Variants in MRC2 observed in about 807,000 individuals in gnomAD.
The protein encoded by MRC2 is C-type mannose receptor 2.
In MRC2, 84 loss-of-function variants were observed where a neutral mutation model predicts 206.2. The observed-to-expected ratio is 0.41, with a 90% confidence interval of 0.34 to 0.49. MRC2 has a LOEUF of 0.49. Among genes scored for constraint, MRC2 ranks in the 20% least tolerant of loss-of-function variants. The probability of loss-of-function intolerance (pLI) is 0.31; values close to 1 mark genes in which losing one functional copy is unlikely to be tolerated. For synonymous variants in MRC2, 798 were observed against 800.0 expected (o/e 1.00, Z 0.04); for missense variants, 1,676 against 2,001.5 (o/e 0.84, Z 3.10).
rs138970713 is a variant in MRC2 at position 62,676,399 on chromosome 17, G to A, written c.1702G>A (p.Val568Ile). ...CTCCTGAAGGTTCGAGCAGGCCTTC[G>A]TCAGCAGCCTCATCTACAACTGGGA... ...TITNRFEQAF[V>I]SSLIYNWEGE... The change falls in exon 11 of 30, where the codon GTC (valine) becomes ATC (isoleucine). Residue 568 changes from valine to isoleucine, a missense_variant. Val to Ile is a conservative substitution (Grantham distance 29). Transcript: ENST00000303375. 203 of 1,614,054 alleles carry A rather than the reference G, an allele frequency of 1.3e-4. No individual in the cohort carries two copies. Among genetic ancestry groups the A allele is most frequent in the Non-Finnish European group, 1.6e-4 (187 of 1,179,986 alleles).
At chr17:62,678,059 T>C (rs1206259073) in intron 12 of MRC2, among the ~76,000 whole-genome samples, 2 of 152,014 alleles carry the variant, frequency 1.3e-5, no homozygotes, top group Non-Finnish European at 2.9e-5. Flanking sequence ...CAAAAATAAA[T>C]AAATAAATAA....
chr17:62,664,441 C>T lies in MRC2; in HGVS notation c.119-107C>T. On this transcript the variant is annotated intron_variant, in intron 1 of 29. Coordinates refer to ENST00000303375, the MANE Select transcript of MRC2 (RefSeq NM_006039.5). The surrounding 1 kb of genome is among the most constrained non-coding windows in gnomAD (Gnocchi z 4.7). ...GTGATTTAACGTATGAGTGACGGCT[C>T]ACCATCCTGCACTGGGCACATGGTA... 7.9e-7 allele frequency: 1 copy of T among 1,260,702 alleles called. No homozygotes were observed. 78.1% of individuals were successfully genotyped at this position (1,260,702 alleles called of 1,614,324 possible).
chr17:62,691,658 C>T (rs2089113100), intron 28 of MRC2, among the ~76,000 whole-genome samples: 1 of 151,260 alleles, frequency 6.6e-6, no homozygotes, highest in Admixed American at 6.6e-5. Context: ...GTAGTCCCAG[C>T]TACTTAGGAG....
intron 1 of MRC2, among the ~76,000 whole-genome samples, chr17:62,645,573 G>T (rs1598970771): frequency 9.7e-6 from 1 of 102,996 alleles, no homozygotes; most frequent in African/African-American, 3.7e-5. Flanking sequence ...TTGCTCTGTT[G>T]CCCAGGCTGG....
Position 62,692,660 on chromosome 17 carries a change from G to A in MRC2, c.*209G>A. ...GCTGAGACCCAGCTGAGTGCAGCGT[G>A]GCGTTTCCCTTTCTGGGGGGGCCTG... On this transcript the variant is annotated 3_prime_UTR_variant, in exon 30 of 30. Coordinates refer to ENST00000303375, the MANE Select transcript of MRC2 (RefSeq NM_006039.5). This position sits in a 1 kb window ranked among gnomAD's most constrained non-coding sequence, Gnocchi z 4.2. The A allele has an allele frequency of 1.8e-6, 1 of 569,516 alleles. No homozygotes were observed. Among genetic ancestry groups the A allele is most frequent in the East Asian group, 2.9e-5 (1 of 34,150 alleles). The allele number at this position is 569,516 out of a possible 1,614,324, so 35.3% of individuals were successfully genotyped here. A position where few individuals can be genotyped will look rare whatever the true frequency, so the allele number is the denominator to read the frequency against.
In MRC2 at chr17:62,643,344, A is replaced by AAAAGAAAG. The variant is rs2088432868; in HGVS notation, c.118+15431_118+15432insGAAAGAAA. Among the ~76,000 whole-genome samples the AAAAGAAAG allele has an allele frequency of 2.0e-5, 3 of 149,940 alleles. No homozygotes were observed. The South Asian group carries it at 6.3e-4, about 31-fold the overall frequency. On this transcript the variant is annotated intron_variant, in intron 1 of 29. Coordinates refer to ENST00000303375, the MANE Select transcript of MRC2 (RefSeq NM_006039.5). ...AACTCCGTCAAAAAAAAAAAAAAAAAAAAGAAAAAGAAAAGAAAAAAGAAA... is the reference window on the plus strand; with the variant it reads ...AACTCCGTCAAAAAAAAAAAAAAAAAAAAGAAAGAAAGAAAAAGAAAAGAAAAAAGAAA...
chr17:62,649,682 C>A (rs954322694), intron 1 of MRC2, among the ~76,000 whole-genome samples: 2 of 152,062 alleles, frequency 1.3e-5, no homozygotes, highest in Non-Finnish European at 2.9e-5. Context: ...ATGTGTGGAG[C>A]AACAGCTCAT....
In MRC2 at chr17:62,689,601, G is replaced by A. The variant is rs2089077642; in HGVS notation, c.3414G>A (p.Arg1138=). The change falls in exon 24 of 30, where the codon CGG becomes CGA. Residue 1138 remains arginine (R), a synonymous_variant. Coordinates refer to ENST00000303375, the MANE Select transcript of MRC2 (RefSeq NM_006039.5). ...TCTCCTACCTCAACGGCACCTTCCGGCTGCTTCAGAAGCCGCTGCGCTGGC... is the reference window on the plus strand; with the variant it reads ...TCTCCTACCTCAACGGCACCTTCCGACTGCTTCAGAAGCCGCTGCGCTGGC... The part of the protein sequence containing the change: ...TELSYLNGTF[R]LLQKPLRWHD... The A allele has an allele frequency of 1.2e-6, 2 of 1,604,140 alleles. No homozygotes were observed. The highest frequency in any genetic ancestry group is 4.5e-5 in the East Asian group (2 of 44,690).
chr17:62,639,309 A>T (rs1480273129), intron 1 of MRC2, among the ~76,000 whole-genome samples: 1 of 151,864 alleles, frequency 6.6e-6, no homozygotes, highest in Non-Finnish European at 1.5e-5. Context: ...GTGCCACTGC[A>T]CTCCAGCCTA....
intron 1 of MRC2, among the ~76,000 whole-genome samples, chr17:62,654,266 C>T (rs752052413): frequency 3.0e-4 from 45 of 152,194 alleles, no homozygotes; most frequent in Non-Finnish European, 4.1e-4. Flanking sequence ...CCCCAGCTTT[C>T]CAGGAGCTAA....
intron 1 of MRC2, among the ~76,000 whole-genome samples, chr17:62,649,752 C>T (rs1162127798): frequency 1.3e-5 from 2 of 152,036 alleles, no homozygotes; most frequent in Admixed American, 1.3e-4. Context: ...TGTCTCATGT[C>T]TCCTATGCAG....
chr17:62,680,742 G>T lies in MRC2; in HGVS notation c.2474-58G>T. 1 of 1,440,096 alleles carries T rather than the reference G, an allele frequency of 6.9e-7. No individual in the cohort carries two copies. Among genetic ancestry groups the T allele is most frequent in the South Asian group, 1.5e-5 (1 of 66,608 alleles). 89.2% of individuals were successfully genotyped at this position (1,440,096 alleles called of 1,614,324 possible). On this transcript the variant is annotated intron_variant, in intron 16 of 29. Transcript: ENST00000303375. The surrounding 1 kb of genome is among the most constrained non-coding windows in gnomAD (Gnocchi z 4.8). ...CCCGGCCCTGCCGCGCCCGCCTCCG[G>T]GGCCTGGCGTGCAGCCTCTGCCTGG...
At chr17:62,658,000 C>A (rs1303544353) in intron 1 of MRC2, among the ~76,000 whole-genome samples, 3 of 152,108 alleles carry the variant, frequency 2.0e-5, no homozygotes, top group African/African-American at 7.2e-5. Flanking sequence ...CTCCTGCACG[C>A]CTCTCCTCTG....
chr17:62,689,575 C>T lies in MRC2; in HGVS notation c.3388C>T (p.Leu1130Phe). 1.2e-6 allele frequency: 2 copies of T among 1,601,662 alleles called. No homozygotes were observed. Among genetic ancestry groups the T allele is most frequent in the Non-Finnish European group, 1.7e-6 (2 of 1,174,148 alleles). Residue 1130 changes from leucine (L) to phenylalanine (F), a missense_variant, in exon 24 of 30, where the codon CTC becomes TTC. By Grantham distance (22) the Leu-to-Phe change is conservative. This residue lies in a region of MRC2 where 1,354 missense variants were observed against 1,636.6 expected (regional missense o/e 0.83). Transcript: ENST00000303375. ...AALPPAPGTE[L>F]SYLNGTFRLL... ...GCTGCCCCCCGCCCCGGGCACTGAGCTCTCCTACCTCAACGGCACCTTCCG... is the reference window on the plus strand; with the variant it reads ...GCTGCCCCCCGCCCCGGGCACTGAGTTCTCCTACCTCAACGGCACCTTCCG...
chr17:62,645,157 A>T (rs1424758877), intron 1 of MRC2, among the ~76,000 whole-genome samples: 1 of 152,124 alleles, frequency 6.6e-6, no homozygotes, highest in Non-Finnish European at 1.5e-5. Flanking sequence ...TTTCCATATA[A>T]TGTTTGTGTA....
chr17:62,678,466 G>C, intron 12 of MRC2, 38 bp from the exon 13 acceptor site: 2 of 1,599,224 alleles, frequency 1.3e-6, no homozygotes, highest in Non-Finnish European at 1.7e-6. Context: ...GGGTGGGCCA[G>C]TGGGGACAGC....
At chr17:62,659,261 C>T (rs527633498) in intron 1 of MRC2, among the ~76,000 whole-genome samples, 4 of 152,234 alleles carry the variant, frequency 2.6e-5, no homozygotes, top group Admixed American at 2.0e-4. Context: ...CAACACAGGC[C>T]GGGCGTGGTG....
At chr17:62,674,545 C>T (rs995297537) in intron 9 of MRC2, among the ~76,000 whole-genome samples, 1 of 152,166 alleles carries the variant, frequency 6.6e-6, no homozygotes, top group South Asian at 2.1e-4. Flanking sequence ...CCCTGTGCAC[C>T]GCCAGTCCTG....
Position 62,664,778 on chromosome 17 carries a change from C to G in MRC2, c.349C>G (p.Leu117Val), listed in dbSNP as rs748705256. 6 of 1,613,910 alleles carry G rather than the reference C, an allele frequency of 3.7e-6. No individual in the cohort carries two copies. Among genetic ancestry groups the G allele is most frequent in the Non-Finnish European group, 5.1e-6 (6 of 1,180,050 alleles). Residue 117 changes from leucine (L) to valine (V), a missense_variant, in exon 2 of 30, where the codon CTG (leucine) becomes GTG (valine). Physicochemically the swap from Leu to Val is conservative, Grantham distance 32. Around this residue, in one of 3 missense-constraint regions of MRC2, gnomAD observed 318 missense variants for 346.7 expected, o/e 0.92. Transcript: ENST00000303375. This position sits in a 1 kb window ranked among gnomAD's most constrained non-coding sequence, Gnocchi z 4.7. ...CATGTATGAGTGTGACCGGGAAGCA[C>G]TGAATCTTCGCTGGCATTGTCGTAC... ...LGMYECDREA[L>V]NLRWHCRTLG... is the part of the protein sequence containing the mutation.
Sources: gnomAD v4.1 joint callset for allele counts (sites outside exome capture counted in the v4.1 genomes callset) on GRCh38, gnomAD v4.1.1 for gene constraint, gnomAD v4.1.1 regional missense constraint, Gnocchi (gnomAD v3.1) non-coding constraint, MANE v1.5 for transcripts, NCBI Gene and HGNC (gene_info 2026-07-23, HGNC 2026-07-21) for gene names.